The following IFT43 variants were observed in gnomAD, a reference collection of about 807,000 sequenced individuals.
IFT43 encodes the protein intraflagellar transport 43.
IFT43 carries 33 observed loss-of-function variants against 32.3 expected under a neutral mutation model. That is an observed-to-expected ratio of 1.02 (90% CI 0.77 to 1.37). The LOEUF is 1.37. Ranked by LOEUF, IFT43 falls within the 40% of genes most tolerant of loss-of-function variation. IFT43 has a pLI of 0.00. For missense variants in IFT43, 274 were observed against 265.9 expected, an observed-to-expected ratio of 1.03 and a Z score of -0.21; for synonymous variants, 93 against 98.2, an observed-to-expected ratio of 0.95 and a Z score of 0.31.
chr14:75,990,200 C>T (rs996455088), intron 2 of IFT43, among the ~76,000 whole-genome samples: 1 of 152,246 alleles, frequency 6.6e-6, no homozygotes, highest in Non-Finnish European at 1.5e-5. Flanking sequence ...GTCGAGAATA[C>T]AGGCCCAGTA....
intron 3 of IFT43, among the ~76,000 whole-genome samples, chr14:76,051,917 C>T (rs1369903416): frequency 6.6e-6 from 1 of 152,184 alleles, no homozygotes. Context: ...CTTTCACCTG[C>T]AACAAGTTAT....
chr14:76,064,329 C>T (rs895821305), intron 5 of IFT43, among the ~76,000 whole-genome samples: 1 of 152,186 alleles, frequency 6.6e-6, no homozygotes, highest in Non-Finnish European at 1.5e-5. Flanking sequence ...AGATTGGTGG[C>T]TGCTGGTCAC....
At chr14:76,060,372 C>G (rs1207877711) in intron 5 of IFT43, among the ~76,000 whole-genome samples, 1 of 152,032 alleles carries the variant, frequency 6.6e-6, no homozygotes, top group Non-Finnish European at 1.5e-5. Flanking sequence ...TGCATGCCAC[C>G]ACACCCAGCT....
At chr14:76,050,518 C>T (rs1251939087) in intron 3 of IFT43, among the ~76,000 whole-genome samples, 4 of 151,886 alleles carry the variant, frequency 2.6e-5, no homozygotes, top group East Asian at 3.9e-4. Context: ...GATGAGGTCT[C>T]GCTGTGTTGC....
At chr14:76,041,196 T>G (rs533450959) in intron 3 of IFT43, among the ~76,000 whole-genome samples, 3 of 152,364 alleles carry the variant, frequency 2.0e-5, no homozygotes, top group African/African-American at 7.2e-5. Flanking sequence ...CTTTGACTTT[T>G]GGCCCTTTAC....
chr14:76,022,416 GA>G, intron 3 of IFT43, 22 bp downstream of exon 3: 1 of 1,412,258 alleles, frequency 7.1e-7, no homozygotes, highest in East Asian at 2.3e-5. Flanking sequence ...CAGCTCATAA[GA>G]GTATGGGTGG....
intron 3 of IFT43, among the ~76,000 whole-genome samples, chr14:76,057,967 G>T (rs1393678530): frequency 6.6e-6 from 1 of 152,136 alleles, no homozygotes; most frequent in Non-Finnish European, 1.5e-5. Flanking sequence ...ATTTAAAAAT[G>T]CATATTCCTG....
At chr14:76,024,880 G>T (rs1285543893) in intron 3 of IFT43, among the ~76,000 whole-genome samples, 1 of 152,222 alleles carries the variant, frequency 6.6e-6, no homozygotes, top group Non-Finnish European at 1.5e-5. Context: ...GCCTGACAGA[G>T]AATATGATAA....
At chr14:76,071,338 C>T (rs151193149) in intron 5 of IFT43, among the ~76,000 whole-genome samples, 2,040 of 152,252 alleles carry the variant, frequency 0.013, 9 homozygotes, top group Middle Eastern at 0.048. Context: ...CTCTACCTGC[C>T]GTACTTCAGT....
intron 2 of IFT43, among the ~76,000 whole-genome samples, chr14:75,995,211 A>G (rs1370881641): frequency 6.6e-6 from 1 of 151,878 alleles, no homozygotes; most frequent in African/African-American, 2.4e-5. Context: ...CTAATCTGTG[A>G]CTCTAGTTGA....
chr14:76,016,084 G>C (rs1040501460), intron 2 of IFT43, among the ~76,000 whole-genome samples: 2 of 152,114 alleles, frequency 1.3e-5, no homozygotes, highest in African/African-American at 2.4e-5. Flanking sequence ...TTTCTTGTTG[G>C]ATAAATAGTT....
At chr14:76,071,303 C>T (rs1402279395) in intron 5 of IFT43, among the ~76,000 whole-genome samples, 4 of 152,044 alleles carry the variant, frequency 2.6e-5, no homozygotes, top group East Asian at 1.9e-4. Context: ...TTGTGTTTAC[C>T]GTGAGCCAGG....
intron 3 of IFT43, among the ~76,000 whole-genome samples, chr14:76,037,778 T>G (rs2036629798): frequency 6.6e-6 from 1 of 152,018 alleles, no homozygotes; most frequent in African/African-American, 2.4e-5. Context: ...AAGCGAGTGG[T>G]TACTATGCAA....
intron 4 of IFT43, chr14:76,059,016 AAAAG>A: frequency 7.0e-7 from 1 of 1,423,954 alleles, no homozygotes; most frequent in Non-Finnish European, 9.1e-7. Context: ...CTTATATCAG[AAAAG>A]AAAGAAGTTT....
chr14:76,083,522 G>T lies in IFT43; in HGVS notation c.572G>T (p.Trp191Leu). The T allele has an allele frequency of 1.2e-6, 2 of 1,614,068 alleles. No homozygotes were observed. Among genetic ancestry groups the T allele is most frequent in the East Asian group, 4.5e-5 (2 of 44,882 alleles). ...TEVSSEVLTE[W>L]DPLQTEKEDP... ...GTGTCCTCAGAGGTCCTCACTGAGT[G>T]GGACCCACTGCAGACGGAGAAGGAG... Residue 191 changes from tryptophan to leucine, a missense_variant, in exon 9 of 9, where the codon TGG becomes TTG. By Grantham distance (61) the Trp-to-Leu change is moderately conservative. Coordinates refer to ENST00000314067, the MANE Select transcript of IFT43 (RefSeq NM_001102564.3).
At chr14:76,019,786 A>G (rs1407697494) in intron 2 of IFT43, among the ~76,000 whole-genome samples, 2 of 152,088 alleles carry the variant, frequency 1.3e-5, no homozygotes, top group Non-Finnish European at 2.9e-5. Context: ...TTATTTCAAA[A>G]GACCTGTCCT....
intron 5 of IFT43, chr14:76,076,675 T>G: frequency 6.2e-7 from 1 of 1,614,178 alleles, no homozygotes; most frequent in East Asian, 2.2e-5. Context: ...TGGGGCTGGC[T>G]TCATTGGAAG....
intron 2 of IFT43, among the ~76,000 whole-genome samples, chr14:75,999,275 ATATATAT>A (rs1457192215): frequency 5.4e-4 from 10 of 18,406 alleles, no homozygotes; most frequent in African/African-American, 1.4e-3. Flanking sequence ...ATATATATGT[ATATATAT>A]TTTTTTTTTT....
chr14:76,025,158 C>A (rs1467885717), intron 3 of IFT43, among the ~76,000 whole-genome samples: 1 of 152,192 alleles, frequency 6.6e-6, no homozygotes, highest in African/African-American at 2.4e-5. Flanking sequence ...GGAATAGTTT[C>A]TCAAAGAATA....
Sources: gnomAD v4.1 joint callset for allele counts (sites outside exome capture counted in the v4.1 genomes callset) on GRCh38, gnomAD v4.1.1 for gene constraint, MANE v1.5 for transcripts, NCBI Gene and HGNC (gene_info 2026-07-23, HGNC 2026-07-21) for gene names.